The following BPTF variants were observed in gnomAD, a reference collection of about 807,000 sequenced individuals.
The protein encoded by BPTF is bromodomain PHD finger transcription factor.
In BPTF, 18 loss-of-function variants were observed where a neutral mutation model predicts 292.5. The ratio of observed to expected loss-of-function variants is 0.06; its 90% CI spans 0.04 to 0.09. The LOEUF (loss-of-function observed/expected upper bound fraction) is 0.09. Among genes scored for constraint, BPTF ranks in the 10% least tolerant of loss-of-function variants. The pLI is 1.00. For synonymous variants in BPTF, 1,225 were observed against 1,251.9 expected, an observed-to-expected ratio of 0.98 and a Z score of 0.45; for missense variants, 2,726 against 3,498.7, an observed-to-expected ratio of 0.78 and a Z score of 5.57.
At chr17:67,864,262 G>A (rs576325846) in intron 2 of BPTF, among the ~76,000 whole-genome samples, 2 of 152,084 alleles carry the variant, frequency 1.3e-5, no homozygotes, top group African/African-American at 2.4e-5. Context: ...GCGGTGGCTC[G>A]TGCCTGTAAT....
chr17:67,856,359 T>A (rs1406382096), intron 2 of BPTF, among the ~76,000 whole-genome samples: 1 of 152,184 alleles, frequency 6.6e-6, no homozygotes, highest in Admixed American at 6.5e-5. Context: ...TATAGTATTT[T>A]CTCTTACCTT....
intron 4 of BPTF, among the ~76,000 whole-genome samples, chr17:67,885,332 C>CAG (rs1393652299): frequency 6.6e-6 from 1 of 152,210 alleles, no homozygotes; most frequent in Non-Finnish European, 1.5e-5. Context: ...CCTGTAATCC[C>CAG]AGCCACTTTG....
intron 23 of BPTF, chr17:67,951,497 A>G (rs2066352917): frequency 1.3e-5 from 2 of 152,132 alleles, no homozygotes; most frequent in African/African-American, 4.8e-5. Context: ...GTTTAGCATC[A>G]TTTAAAGTGT....
chr17:67,914,762 C>T (rs2062870335), intron 11 of BPTF, among the ~76,000 whole-genome samples: 1 of 152,266 alleles, frequency 6.6e-6, no homozygotes, highest in South Asian at 2.1e-4. Context: ...CCCTGTTCTG[C>T]ACAGCTGAAT....
intron 2 of BPTF, among the ~76,000 whole-genome samples, chr17:67,857,247 C>T (rs11079709): frequency 0.2 from 29,788 of 148,788 alleles, 3,756 homozygotes; most frequent in East Asian, 0.66. Context: ...CTGCAAGCTC[C>T]GCCTCCCGGG....
chr17:67,939,055 G>A (rs28457624), intron 18 of BPTF, among the ~76,000 whole-genome samples: 15,288 of 152,164 alleles, frequency 0.1, 2,620 homozygotes, highest in African/African-American at 0.35. Context: ...TGGCAGTAGT[G>A]TGAATTGGAA....
At chr17:67,909,823 C>G (rs2062529977) in intron 10 of BPTF, 62 bp downstream of exon 10, 4 of 1,345,554 alleles carry the variant, frequency 3.0e-6, no homozygotes, top group Non-Finnish European at 3.9e-6. Flanking sequence ...GATCAGGGTC[C>G]CACCACAGGA....
intron 13 of BPTF, 73 bp downstream of exon 13, chr17:67,920,216 ATT>A (rs1237834028): frequency 1.3e-6 from 2 of 1,508,956 alleles, no homozygotes; most frequent in Non-Finnish European, 1.8e-6. Flanking sequence ...ATTTGATATA[ATT>A]TTTTCTTCTC....
chr17:67,933,962 C>G (rs371885163), intron 18 of BPTF, among the ~76,000 whole-genome samples: 2 of 151,432 alleles, frequency 1.3e-5, no homozygotes, highest in South Asian at 4.2e-4. Flanking sequence ...GAGAATTGCT[C>G]GAACTCAGGA....
intron 25 of BPTF, among the ~76,000 whole-genome samples, chr17:67,964,688 GA>G (rs1445983446): frequency 6.6e-6 from 1 of 152,178 alleles, no homozygotes; most frequent in Non-Finnish European, 1.5e-5. Context: ...CATGGATTGA[GA>G]AGCAGTATGA....
At chr17:67,889,774 C>T (rs1267374795) in intron 4 of BPTF, among the ~76,000 whole-genome samples, 2 of 152,152 alleles carry the variant, frequency 1.3e-5, no homozygotes, top group African/African-American at 4.8e-5. Context: ...CACCACTGCA[C>T]TCCAGCCTGG....
rs77146223 is a variant in BPTF at position 67,959,849 on chromosome 17, C to A, written c.8235C>A (p.Ile2745=). The change falls in exon 24 of 28, where the codon ATC becomes ATA. Residue 2745 remains isoleucine (I), a synonymous_variant. Coordinates refer to ENST00000306378, the MANE Select transcript of BPTF (RefSeq NM_182641.4). ...ETKKDTKLYC[I]CKTPYDESKF... ...AGAAGGACACAAAGCTTTACTGTAT[C>A]TGTAAAACGCCTTATGATGAATCTA... The A allele has an allele frequency of 5.2e-5, 83 of 1,603,496 alleles. No individual in the cohort carries two copies. In the African/African-American group the frequency reaches 9.9e-4, roughly 19 times the overall value.
chr17:67,857,491 A>C (rs1598280462), intron 2 of BPTF, among the ~76,000 whole-genome samples: 4 of 141,564 alleles, frequency 2.8e-5, no homozygotes, highest in African/African-American at 1.1e-4. Context: ...TGAAGACAAG[A>C]TCTCCCTTTG....
intron 2 of BPTF, among the ~76,000 whole-genome samples, chr17:67,860,962 T>C (rs2059040684): frequency 6.6e-6 from 1 of 152,220 alleles, no homozygotes; most frequent in African/African-American, 2.4e-5. Context: ...AAACCACATA[T>C]TAACTTACTG....
At chr17:67,883,307 C>G (rs1201842601) in intron 4 of BPTF, among the ~76,000 whole-genome samples, 1 of 152,064 alleles carries the variant, frequency 6.6e-6, no homozygotes, top group African/African-American at 2.4e-5. Flanking sequence ...CAGAGCGAGA[C>G]TCCATCTAAA....
intron 1 of BPTF, among the ~76,000 whole-genome samples, chr17:67,848,425 C>T (rs991880788): frequency 4.6e-5 from 7 of 152,096 alleles, no homozygotes; most frequent in Admixed American, 2.6e-4. Context: ...ATTGTGCTCA[C>T]GCTGTCATGG....
intron 13 of BPTF, among the ~76,000 whole-genome samples, chr17:67,921,209 C>CAA (rs60707445): frequency 6.9e-4 from 34 of 49,204 alleles, no homozygotes; most frequent in South Asian, 2.0e-3. Context: ...GAATCCGTGT[C>CAA]AAAAAAAAAA....
chr17:67,879,766 C>T (rs372907851), intron 4 of BPTF, among the ~76,000 whole-genome samples: 6 of 151,942 alleles, frequency 3.9e-5, no homozygotes, highest in South Asian at 2.1e-4. Context: ...ATAGGGGAGG[C>T]GGGGGTGGCA....
At chr17:67,837,390 C>T (rs2057213157) in intron 1 of BPTF, among the ~76,000 whole-genome samples, 2 of 151,868 alleles carry the variant, frequency 1.3e-5, no homozygotes. Flanking sequence ...TTAAACCTTC[C>T]CTAGTCTGTG....
Sources: gnomAD v4.1 joint callset for allele counts (sites outside exome capture counted in the v4.1 genomes callset) on GRCh38, gnomAD v4.1.1 for gene constraint, MANE v1.5 for transcripts, NCBI Gene and HGNC (gene_info 2026-07-23, HGNC 2026-07-21) for gene names.